The following PLCL2 variants were observed in gnomAD, a reference collection of about 807,000 sequenced individuals.
PLCL2 encodes the protein inactive phospholipase C-like protein 2.
PLCL2 carries 4 observed loss-of-function variants against 79.6 expected under a neutral mutation model. The ratio of observed to expected loss-of-function variants is 0.05; its 90% CI spans 0.02 to 0.11. PLCL2 has a LOEUF of 0.11. Ranked by LOEUF, PLCL2 falls within the 10% of genes least tolerant of loss-of-function variation. The pLI is 1.00. For missense variants in PLCL2, 895 were observed against 1,291.0 expected, an observed-to-expected ratio of 0.69 and a Z score of 4.70; for synonymous variants, 484 against 457.7, an observed-to-expected ratio of 1.06 and a Z score of -0.73.
intron 1 of PLCL2, among the ~76,000 whole-genome samples, chr3:16,939,117 T>A (rs1181778825): frequency 1.3e-5 from 2 of 152,184 alleles, no homozygotes; most frequent in Non-Finnish European, 2.9e-5. Flanking sequence ...ATGTTGAAAG[T>A]ACAATTCTCC....
intron 1 of PLCL2, among the ~76,000 whole-genome samples, chr3:16,949,204 AAGAT>A (rs71945088): frequency 0.23 from 34,501 of 151,872 alleles, 4,314 homozygotes; most frequent in East Asian, 0.53. Flanking sequence ...TAGAAAATGA[AAGAT>A]AGAATTGCTG....
At chr3:16,972,671 G>A (rs145542809) in intron 1 of PLCL2, among the ~76,000 whole-genome samples, 189 of 152,206 alleles carry the variant, frequency 1.2e-3, no homozygotes, top group African/African-American at 4.2e-3. Context: ...GAATCTGGGC[G>A]CTCCTGTGTT....
At chr3:16,981,129 AGAGAGGGAGAGGGAGACTCGGGG>A (rs1209556034) in intron 1 of PLCL2, among the ~76,000 whole-genome samples, 2 of 145,522 alleles carry the variant, frequency 1.4e-5, no homozygotes, top group African/African-American at 2.6e-5. Context: ...GACCGTGGAA[AGAGAGGGAGAGGGAGACTCGGGG>A]GAGAGGGAGA....
intron 4 of PLCL2, among the ~76,000 whole-genome samples, chr3:17,065,015 G>T (rs2064994712): frequency 6.6e-6 from 1 of 151,496 alleles, no homozygotes; most frequent in African/African-American, 2.4e-5. Context: ...CAATGGGATT[G>T]ATAGTCTCAG....
At chr3:16,959,706 C>T (rs930632404) in intron 1 of PLCL2, among the ~76,000 whole-genome samples, 2 of 152,182 alleles carry the variant, frequency 1.3e-5, no homozygotes, top group Non-Finnish European at 2.9e-5. Flanking sequence ...TATCCTTGAA[C>T]ACCTACTTGG....
At chr3:17,046,055 G>C (rs183823429) in intron 4 of PLCL2, among the ~76,000 whole-genome samples, 1 of 152,094 alleles carries the variant, frequency 6.6e-6, no homozygotes, top group Non-Finnish European at 1.5e-5. Flanking sequence ...ATCCTGCAGG[G>C]GTGATATGGG....
chr3:17,063,476 C>T (rs1280329675), intron 4 of PLCL2, among the ~76,000 whole-genome samples: 7 of 151,048 alleles, frequency 4.6e-5, no homozygotes, highest in Non-Finnish European at 8.8e-5. Flanking sequence ...AGTCCTCTTG[C>T]ATGCAAATCT....
At chr3:16,895,948 A>G (rs1345960399) in intron 1 of PLCL2, among the ~76,000 whole-genome samples, 1 of 152,206 alleles carries the variant, frequency 6.6e-6, no homozygotes, top group African/African-American at 2.4e-5. Flanking sequence ...ACTTGGGGAT[A>G]ATAATTGAGG....
At chr3:17,023,692 C>G (rs1399227309) in intron 3 of PLCL2, among the ~76,000 whole-genome samples, 1 of 152,116 alleles carries the variant, frequency 6.6e-6, no homozygotes, top group Non-Finnish European at 1.5e-5. Context: ...GACTAATACA[C>G]TCGATATGTT....
At chr3:17,050,593 G>A (rs781635991) in intron 4 of PLCL2, among the ~76,000 whole-genome samples, 1 of 152,134 alleles carries the variant, frequency 6.6e-6, no homozygotes, top group Non-Finnish European at 1.5e-5. Flanking sequence ...AACTAAATGA[G>A]ATATCATCTC....
rs1397550470 is a variant in PLCL2, at chr3:16,982,898, T to TAG, written c.328-26776_328-26775insAG. ...TTTACTTTAATTCATGAGTATATTT[T>TAG]TATTTCTGTATAACTGTGGCCTCAC... is the stretch of plus-strand genomic sequence containing the variant. On this transcript the variant is annotated intron_variant, in intron 1 of 5. Transcript: ENST00000615277. 7.9e-5 allele frequency among the ~76,000 whole-genome samples: 12 copies of TAG among 152,366 alleles called. 1 individual carries two copies. The highest frequency in any genetic ancestry group is 7.2e-4 in the Admixed American group (11 of 15,312).
chr3:16,885,475 C>T (rs896410926), intron 1 of PLCL2, 109 bp downstream of exon 1: 2 of 500,690 alleles, frequency 4.0e-6, no homozygotes, highest in Admixed American at 4.2e-5. Flanking sequence ...ACAGGAACCA[C>T]TGGAGCATGG....
At chr3:16,989,151 T>C (rs946048344) in intron 1 of PLCL2, among the ~76,000 whole-genome samples, 6 of 152,166 alleles carry the variant, frequency 3.9e-5, no homozygotes, top group Admixed American at 2.0e-4. Flanking sequence ...GTGTAAGACC[T>C]ACAAAATGTT....
chr3:16,990,741 C>T (rs2064096922), intron 1 of PLCL2, among the ~76,000 whole-genome samples: 1 of 152,148 alleles, frequency 6.6e-6, no homozygotes, highest in Non-Finnish European at 1.5e-5. Flanking sequence ...AAAATAGCAG[C>T]TGAGGTTTGG....
At chr3:17,039,306 C>T (rs867567160) in intron 3 of PLCL2, among the ~76,000 whole-genome samples, 1 of 152,214 alleles carries the variant, frequency 6.6e-6, no homozygotes, top group African/African-American at 2.4e-5. Context: ...GAAACATCAG[C>T]CTGCTGAGTA....
intron 5 of PLCL2, among the ~76,000 whole-genome samples, chr3:17,070,600 GT>G (rs1003519041): frequency 6.6e-6 from 1 of 151,186 alleles, no homozygotes; most frequent in African/African-American, 2.4e-5. Context: ...GTAGAATGGG[GT>G]TTTTTTTTCA....
chr3:16,912,185 G>C (rs1236892177), intron 1 of PLCL2, among the ~76,000 whole-genome samples: 2 of 151,544 alleles, frequency 1.3e-5, no homozygotes, highest in Non-Finnish European at 2.9e-5. Context: ...AATTATTTTT[G>C]TTTTAAAATA....
intron 3 of PLCL2, among the ~76,000 whole-genome samples, chr3:17,018,647 A>G (rs1022293516): frequency 2.6e-5 from 4 of 152,238 alleles, no homozygotes; most frequent in African/African-American, 9.6e-5. Flanking sequence ...ATCATACATC[A>G]TGACCATAAA....
chr3:17,064,460 C>T lies in PLCL2; in HGVS notation c.3095-3496C>T, dbSNP rs149999845. On this transcript the variant is annotated intron_variant, in intron 4 of 5. Coordinates refer to ENST00000615277, the MANE Select transcript of PLCL2 (RefSeq NM_001144382.2). ...TCTTCACCACTTCCTTAGGAAAGTG[C>T]TGTAGCCTCTGTCTGCATTTCTTAT... Among the ~76,000 whole-genome samples the T allele has an allele frequency of 4.2e-3, 634 of 152,244 alleles. 2 individuals carry two copies. Among genetic ancestry groups the T allele is most frequent in the Middle Eastern group, 0.031 (9 of 294 alleles).
Sources: gnomAD v4.1 joint callset for allele counts (sites outside exome capture counted in the v4.1 genomes callset) on GRCh38, gnomAD v4.1.1 for gene constraint, MANE v1.5 for transcripts, NCBI Gene and HGNC (gene_info 2026-07-23, HGNC 2026-07-21) for gene names.